Variants in NPY2R observed in about 807,000 individuals in gnomAD.
NPY2R encodes neuropeptide Y receptor Y2, also known as neuropeptide Y receptor type 2.
Under a neutral mutation model 22.3 loss-of-function variants are expected in NPY2R, and 17 were observed. That is an observed-to-expected ratio of 0.76 (90% CI 0.52 to 1.14). The LOEUF is 1.14. Ranked by LOEUF, NPY2R falls within the 50% of genes most tolerant of loss-of-function variation. The pLI is 0.00. For synonymous variants in NPY2R, 209 were observed against 183.4 expected (o/e 1.14, Z -1.13); for missense variants, 424 against 467.9 (o/e 0.91, Z 0.87).
upstream of NPY2R, chr4:155,207,683 C>G (rs1182296917): frequency 2.0e-5 from 3 of 152,302 alleles, no homozygotes; most frequent in Non-Finnish European, 4.4e-5. Context: ...CTAATCCAGC[C>G]TGGGAGGCTC....
chr4:155,203,508 A>G, the NPY2R span, among the ~76,000 whole-genome samples: 1 of 152,174 alleles, frequency 6.6e-6, no homozygotes, highest in East Asian at 1.9e-4. Context: ...GTACACTTAT[A>G]TAGACTTTTT....
At chr4:155,196,867 A>G in the NPY2R span, among the ~76,000 whole-genome samples, 1 of 151,912 alleles carries the variant, frequency 6.6e-6, no homozygotes, top group Non-Finnish European at 1.5e-5. Context: ...CATCTAGGCT[A>G]TAGAGTTTGA....
chr4:155,202,522 G>A, the NPY2R span, among the ~76,000 whole-genome samples: 35,447 of 151,886 alleles, frequency 0.23, 4,483 homozygotes, highest in East Asian at 0.43. Context: ...TAATAAAATC[G>A]TATATGGATT....
At chr4:155,194,441 A>G in the NPY2R span, among the ~76,000 whole-genome samples, 1 of 151,712 alleles carries the variant, frequency 6.6e-6, no homozygotes, top group African/African-American at 2.4e-5. Context: ...TTTGTCCCCT[A>G]CTTTGTGTCC....
rs1213653236 is a variant in NPY2R, at chr4:155,216,798, C to A, written c.*1713C>A. On this transcript the variant is annotated 3_prime_UTR_variant, in exon 2 of 2. Transcript: ENST00000329476. ...TGATTCATTTTTCTGTTAGACTAGG[C>A]AAATTGTTCAAAAATAACCTTTTTG... The A allele has an allele frequency of 6.0e-6, 1 of 166,976 alleles. No homozygotes were observed. Among genetic ancestry groups the A allele is most frequent in the Non-Finnish European group, 1.5e-5 (1 of 68,076 alleles). 10.3% of individuals were successfully genotyped at this position (166,976 alleles called of 1,614,324 possible).
the NPY2R span, among the ~76,000 whole-genome samples, chr4:155,201,177 C>T: frequency 3.3e-5 from 5 of 151,974 alleles, no homozygotes; most frequent in African/African-American, 1.2e-4. Flanking sequence ...GAGTATATTC[C>T]TCTTCTCCCT....
chr4:155,205,232 A>G (rs1262655460), upstream of NPY2R, among the ~76,000 whole-genome samples: 1 of 152,214 alleles, frequency 6.6e-6, no homozygotes, highest in Non-Finnish European at 1.5e-5. Flanking sequence ...GCCCAGATAC[A>G]AAACATTTCC....
chr4:155,199,507 A>G, the NPY2R span, among the ~76,000 whole-genome samples: 3 of 152,086 alleles, frequency 2.0e-5, no homozygotes, highest in Non-Finnish European at 4.4e-5. Context: ...CAGAATTAGA[A>G]AAAAAACTAC....
the NPY2R span, among the ~76,000 whole-genome samples, chr4:155,202,015 C>T: frequency 9.9e-5 from 15 of 152,234 alleles, 1 homozygote; most frequent in Admixed American, 9.2e-4. Context: ...TTGACATATA[C>T]TCACTATATA....
the NPY2R span, among the ~76,000 whole-genome samples, chr4:155,184,766 A>G: frequency 4.6e-5 from 7 of 152,078 alleles, no homozygotes; most frequent in Non-Finnish European, 1.0e-4. Context: ...ACAATCTATT[A>G]GTCTAATTGT....
intron 1 of NPY2R, among the ~76,000 whole-genome samples, chr4:155,211,587 T>C (rs915023924): frequency 1.3e-5 from 2 of 152,038 alleles, no homozygotes; most frequent in Non-Finnish European, 1.5e-5. Flanking sequence ...GATCCTTTGG[T>C]GGGAGAGCAA....
the NPY2R span, among the ~76,000 whole-genome samples, chr4:155,201,014 G>T: frequency 6.6e-6 from 1 of 151,148 alleles, no homozygotes; most frequent in Non-Finnish European, 1.5e-5. Context: ...GGAACTTAAA[G>T]TAAAATAAAA....
chr4:155,201,882 C>T, the NPY2R span, among the ~76,000 whole-genome samples: 1 of 152,210 alleles, frequency 6.6e-6, no homozygotes, highest in African/African-American at 2.4e-5. Flanking sequence ...TTTGCATTAA[C>T]ACATCAGTCT....
At chr4:155,205,023 T>C (rs1729253809), upstream of NPY2R, among the ~76,000 whole-genome samples, 1 of 152,144 alleles carries the variant, frequency 6.6e-6, no homozygotes. Context: ...GTATTTTCCA[T>C]TTGTGTTTGG....
At chr4:155,175,171 G>A in the NPY2R span, among the ~76,000 whole-genome samples, 21 of 152,050 alleles carry the variant, frequency 1.4e-4, no homozygotes, top group African/African-American at 4.6e-4. Flanking sequence ...GGCAAATTTC[G>A]CCAACCGAGT....
chr4:155,174,484 A>ATATATATATATATATTTTTTTTTT, the NPY2R span, among the ~76,000 whole-genome samples: 1 of 106,120 alleles, frequency 9.4e-6, no homozygotes, highest in African/African-American at 4.5e-5. Flanking sequence ...ATATATATAT[A>ATATATATATATATATTTTTTTTTT]TTTTTTTTTT....
chr4:155,180,386 G>T, the NPY2R span, among the ~76,000 whole-genome samples: 12 of 152,212 alleles, frequency 7.9e-5, no homozygotes, highest in African/African-American at 2.6e-4. Context: ...ATGAAAATTT[G>T]CTTGAATGCA....
At chr4:155,179,645 T>C in the NPY2R span, among the ~76,000 whole-genome samples, 3 of 152,220 alleles carry the variant, frequency 2.0e-5, no homozygotes, top group Non-Finnish European at 4.4e-5. Context: ...CAACTGCTGT[T>C]TCCAAGGAAT....
intron 1 of NPY2R, among the ~76,000 whole-genome samples, chr4:155,210,979 A>ATT (rs34627394): frequency 6.6e-6 from 1 of 151,052 alleles, no homozygotes; most frequent in Admixed American, 6.6e-5. Flanking sequence ...TCTCAGGACA[A>ATT]TTTTTTTTTT....
Sources: allele counts gnomAD v4.1 joint callset (sites outside exome capture counted in the v4.1 genomes callset), GRCh38; gene constraint gnomAD v4.1.1; transcripts MANE v1.5; gene names NCBI Gene and HGNC (gene_info 2026-07-23, HGNC 2026-07-21).